Variants in PPP1R13L observed in about 807,000 individuals in gnomAD.
The protein encoded by PPP1R13L is protein phosphatase 1 regulatory subunit 13 like, also known as relA-associated inhibitor.
In PPP1R13L, 50 loss-of-function variants were observed where a neutral mutation model predicts 80.9. The ratio of observed to expected loss-of-function variants is 0.62; its 90% CI spans 0.49 to 0.78. PPP1R13L has a LOEUF of 0.78. Among genes scored for constraint, PPP1R13L ranks in the 30% least tolerant of loss-of-function variants. PPP1R13L has a pLI of 0.00. For missense variants in PPP1R13L, 1,200 were observed against 1,205.9 expected (o/e 1.00, Z 0.07); for synonymous variants, 602 against 534.3 (o/e 1.13, Z -1.75).
chr19:45,385,933 C>G lies in PPP1R13L; in HGVS notation c.1972G>C (p.Glu658Gln), dbSNP rs1972858974. 6.2e-7 allele frequency: 1 copy of G among 1,612,352 alleles called. No homozygotes were observed. Among genetic ancestry groups the G allele is most frequent in the Non-Finnish European group, 8.5e-7 (1 of 1,179,444 alleles). Residue 658 changes from glutamate to glutamine, a missense_variant, in exon 10 of 13, where the codon GAG (glutamate) becomes CAG (glutamine). By Grantham distance (29) the Glu-to-Gln change is conservative. Transcript: ENST00000360957. ...KEMNDPSQPN[E>Q]EGITALHNAI... is the part of the protein sequence containing the mutation. ...TTGTGCAAGGCAGTGATGCCCTCCTCGTTGGGCTGGCTCGGGTCGTTCATC... is the reference window on the plus strand; with the variant it reads ...TTGTGCAAGGCAGTGATGCCCTCCTGGTTGGGCTGGCTCGGGTCGTTCATC...
At chr19:45,400,527 T>G (rs1217360912) in intron 1 of PPP1R13L, among the ~76,000 whole-genome samples, 1 of 151,642 alleles carries the variant, frequency 6.6e-6, no homozygotes, top group African/African-American at 2.4e-5. Context: ...ACAGGGAGTG[T>G]GTGACCTTGG....
In PPP1R13L at chr19:45,404,926, C is replaced by T. The variant is rs559604017; in HGVS notation, c.-22+73G>A. On this transcript the variant is annotated intron_variant, in intron 1 of 12. Transcript: ENST00000360957. ...GCCCTGGGACCTGGCGTCCGAGTCC[C>T]CTCCCAATCCTCCCAGGGACGCGGG... 15 of 927,232 alleles carry T rather than the reference C, an allele frequency of 1.6e-5. No individual in the cohort carries two copies. In the Admixed American group the frequency reaches 3.7e-4, roughly 23 times the overall value. The allele number at this position is 927,232 out of a possible 1,614,324, so 57.4% of individuals were successfully genotyped here. A position where few individuals can be genotyped will look rare whatever the true frequency, so the allele number is the denominator to read the frequency against.
At position 45,386,173 on chromosome 19, in the gene PPP1R13L, C is replaced by G. The variant is rs1195215838; in HGVS notation, c.1823G>C (p.Arg608Pro). ...PPEQPQSMEMRSVLRKAGSPR... is the reference protein window; with the variant it reads ...PPEQPQSMEMPSVLRKAGSPR... ...GGAGCCCGCCTTCCGCAGCACAGAG[C>G]GCATCTCCTGGGGGACAGGGCGCAG... is the stretch of plus-strand genomic sequence containing the variant. The change falls in exon 9 of 13, where the codon CGC (arginine) becomes CCC (proline). Residue 608 changes from arginine to proline, a missense_variant. Physicochemically the swap from Arg to Pro is moderately radical, Grantham distance 103. This residue lies in a region of PPP1R13L where 214 missense variants were observed against 199.6 expected (regional missense o/e 1.07). Coordinates refer to ENST00000360957, the MANE Select transcript of PPP1R13L (RefSeq NM_006663.4). 2.0e-6 allele frequency: 3 copies of G among 1,523,738 alleles called. No homozygotes were observed. Among genetic ancestry groups the G allele is most frequent in the Admixed American group, 2.4e-5 (1 of 42,150 alleles). The allele number at this position is 1,523,738 out of a possible 1,614,324, so 94.4% of individuals were successfully genotyped here.
chr19:45,385,403 C>T (rs1413145678), intron 11 of PPP1R13L, among the ~76,000 whole-genome samples, 159 bp downstream of exon 11: 1 of 152,238 alleles, frequency 6.6e-6, no homozygotes. Context: ...AGTCCCCCCA[C>T]CCCCGCAAGC....
chr19:45,387,857 T>G (rs1156720544), intron 8 of PPP1R13L, among the ~76,000 whole-genome samples: 1 of 152,030 alleles, frequency 6.6e-6, no homozygotes, highest in Admixed American at 6.6e-5. Context: ...GACCTAGAAT[T>G]TCATTTTAAA....
intron 11 of PPP1R13L, 66 bp from the exon 12 acceptor site, chr19:45,382,792 G>A (rs1972790301): frequency 2.6e-6 from 4 of 1,516,776 alleles, no homozygotes; most frequent in Admixed American, 3.4e-5. Flanking sequence ...GGGGCCACGT[G>A]GGGTCCAGGA....
Position 45,396,419 on chromosome 19 carries a change from G to GGCGCAGC in PPP1R13L, c.723_729dup (p.Arg244AlafsTer13). On this transcript the variant is annotated frameshift_variant, in exon 5 of 13. Transcript: ENST00000360957. LOFTEE classifies it high-confidence loss of function. The surrounding 1 kb of genome is among the most constrained non-coding windows in gnomAD (Gnocchi z 5.3). The stretch of plus-strand genomic sequence containing the variant: ...TCGTTCCAGGCTTTCGGAGGCCGCC[G>GGCGCAGC]GCGCAGCGTCAGGTCGTCTGGGGAG... 6.2e-7 allele frequency: 1 copy of GGCGCAGC among 1,614,074 alleles called. No homozygotes were observed. Among genetic ancestry groups the GGCGCAGC allele is most frequent in the Non-Finnish European group, 8.5e-7 (1 of 1,179,992 alleles).
chr19:45,397,815 C>T (rs1973143112), intron 3 of PPP1R13L, among the ~76,000 whole-genome samples, 190 bp downstream of exon 3: 1 of 152,106 alleles, frequency 6.6e-6, no homozygotes, highest in South Asian at 2.1e-4. Context: ...AATTCTCTCA[C>T]CTCGCCTTCC....
chr19:45,382,637 G>T lies in PPP1R13L; in HGVS notation c.2338C>A (p.Arg780Ser). 6.2e-7 allele frequency: 1 copy of T among 1,613,880 alleles called. No individual in the cohort carries two copies. The highest frequency in any genetic ancestry group is 8.5e-7 in the Non-Finnish European group (1 of 1,180,040). Residue 780 changes from arginine to serine, a missense_variant, in exon 12 of 13, where the codon CGC (arginine) becomes AGC (serine). This residue lies in a region of PPP1R13L where 165 missense variants were observed against 177.1 expected (regional missense o/e 0.93). Transcript: ENST00000360957. Reference protein sequence around the residue: ...SAEFGDELSFREGESVTVLRR... With the variant: ...SAEFGDELSFSEGESVTVLRR... ...AGCACGGTGACCGACTCGCCCTCGC[G>T]GAAGGACAGCTCGTCCCCGAACTCG... is the stretch of plus-strand genomic sequence containing the variant.
chr19:45,395,246 C>T, intron 7 of PPP1R13L, 190 bp downstream of exon 7: 1 of 738,138 alleles, frequency 1.4e-6, no homozygotes, highest in Non-Finnish European at 2.3e-6. Flanking sequence ...CTTCAGGGTC[C>T]ACACTTAACC....
At chr19:45,382,411 C>T in intron 12 of PPP1R13L, 116 bp downstream of exon 12, 1 of 1,250,856 alleles carries the variant, frequency 8.0e-7, no homozygotes, top group Non-Finnish European at 1.1e-6. Context: ...CTTTTCAGAC[C>T]TCCCTCTCCC....
At chr19:45,385,198 A>G (rs969546051) in intron 11 of PPP1R13L, among the ~76,000 whole-genome samples, 57 of 152,156 alleles carry the variant, frequency 3.7e-4, no homozygotes, top group African/African-American at 1.3e-3. Flanking sequence ...TGGTGTGGCA[A>G]TGCCTCTCCC....
chr19:45,385,167 T>C (rs2123353091), intron 11 of PPP1R13L, among the ~76,000 whole-genome samples: 1 of 152,314 alleles, frequency 6.6e-6, no homozygotes, highest in South Asian at 2.1e-4. Context: ...TTCTGGCAGC[T>C]GTAGCCTGCT....
intron 8 of PPP1R13L, among the ~76,000 whole-genome samples, chr19:45,391,133 G>A (rs896790989): frequency 6.6e-6 from 1 of 151,752 alleles, no homozygotes; most frequent in African/African-American, 2.4e-5. Flanking sequence ...GGGAGGCGGA[G>A]GTTGCAGTGA....
At chr19:45,381,973 G>A (rs1972770501) in intron 12 of PPP1R13L, among the ~76,000 whole-genome samples, 1 of 151,952 alleles carries the variant, frequency 6.6e-6, no homozygotes, top group Non-Finnish European at 1.5e-5. Context: ...GGGTGCGGTG[G>A]CTCATGCCTG....
chr19:45,380,774 G>A (rs924825306), intron 12 of PPP1R13L, among the ~76,000 whole-genome samples: 8 of 151,316 alleles, frequency 5.3e-5, no homozygotes, highest in South Asian at 2.1e-4. Context: ...AGCCAAGATC[G>A]CGCCACTGCA....
chr19:45,385,134 C>A (rs961174386), intron 11 of PPP1R13L, among the ~76,000 whole-genome samples: 3 of 152,200 alleles, frequency 2.0e-5, no homozygotes, highest in African/African-American at 7.2e-5. Flanking sequence ...AGGGTACAGC[C>A]TTGTGTCTTC....
upstream of PPP1R13L, chr19:45,405,134 G>C: frequency 1.2e-6 from 1 of 801,710 alleles, no homozygotes; most frequent in Non-Finnish European, 1.5e-6. Context: ...GGGTCCCGGT[G>C]GGGAGGGGGA....
In PPP1R13L at chr19:45,380,085, C is replaced by T. The variant is rs1398161525; in HGVS notation, c.*105G>A. On this transcript the variant is annotated 3_prime_UTR_variant, in exon 13 of 13. Coordinates refer to ENST00000360957, the MANE Select transcript of PPP1R13L (RefSeq NM_006663.4). Reference sequence around the variant, plus strand: ...AACCGGTGGCAAGGACCACCACCAGCAGGGTGAGGGGTGCAGATAAAGGCA... The same window carrying T: ...AACCGGTGGCAAGGACCACCACCAGTAGGGTGAGGGGTGCAGATAAAGGCA... 7 of 1,281,730 alleles carry T rather than the reference C, an allele frequency of 5.5e-6. No individual in the cohort carries two copies. Among genetic ancestry groups the T allele is most frequent in the Non-Finnish European group, 6.7e-6 (6 of 897,482 alleles). The allele number at this position is 1,281,730 out of a possible 1,614,324, so 79.4% of individuals were successfully genotyped here. A position where few individuals can be genotyped will look rare whatever the true frequency, so the allele number is the denominator to read the frequency against.
Sources: gnomAD v4.1 joint callset for allele counts (sites outside exome capture counted in the v4.1 genomes callset) on GRCh38, gnomAD v4.1.1 for gene constraint, gnomAD v4.1.1 regional missense constraint, Gnocchi (gnomAD v3.1) non-coding constraint, MANE v1.5 for transcripts, NCBI Gene and HGNC (gene_info 2026-07-23, HGNC 2026-07-21) for gene names.